CNTNAP2: variants seen among roughly 807,000 people sequenced by gnomAD.
The protein encoded by CNTNAP2 is contactin associated protein 2.
Under a neutral mutation model 155.2 loss-of-function variants are expected in CNTNAP2, and 98 were observed. The ratio of observed to expected loss-of-function variants is 0.63; its 90% CI spans 0.54 to 0.75. CNTNAP2 has a LOEUF of 0.75. Ranked by LOEUF, CNTNAP2 falls within the 30% of genes least tolerant of loss-of-function variation. The pLI, the probability that CNTNAP2 is intolerant of heterozygous loss-of-function variation, is 0.00. For missense variants in CNTNAP2, 1,727 were observed against 1,688.1 expected (o/e 1.02, Z -0.40); for synonymous variants, 651 against 631.2 (o/e 1.03, Z -0.47).
intron 1 of CNTNAP2, among the ~76,000 whole-genome samples, chr7:146,385,568 A>T (rs1486286835): frequency 6.6e-6 from 1 of 152,198 alleles, no homozygotes; most frequent in Non-Finnish European, 1.5e-5. Context: ...CCAGCCAAGT[A>T]ATCTCTCTTG....
intron 2 of CNTNAP2, among the ~76,000 whole-genome samples, chr7:146,827,768 G>A (rs1012530533): frequency 7.2e-5 from 11 of 151,948 alleles, no homozygotes; most frequent in East Asian, 1.9e-4. Flanking sequence ...TGAAGGCTTC[G>A]ATCTTGATTT....
intron 1 of CNTNAP2, among the ~76,000 whole-genome samples, chr7:146,712,117 T>A (rs374155630): frequency 5.2e-5 from 6 of 116,202 alleles, no homozygotes; most frequent in Admixed American, 8.3e-5. Context: ...TATGTATACA[T>A]ATATGTATAC....
intron 3 of CNTNAP2, among the ~76,000 whole-genome samples, chr7:146,959,200 A>C (rs948521422): frequency 4.0e-5 from 6 of 151,832 alleles, no homozygotes; most frequent in African/African-American, 1.5e-4. Context: ...TTGTATTTTT[A>C]GTACAGACAG....
At chr7:147,706,606 A>G (rs1441227464) in intron 13 of CNTNAP2, among the ~76,000 whole-genome samples, 1 of 152,118 alleles carries the variant, frequency 6.6e-6, no homozygotes, top group Non-Finnish European at 1.5e-5. Context: ...TGTGCTGTGG[A>G]GAAGGCCTTT....
chr7:146,405,796 C>A (rs1283543207), intron 1 of CNTNAP2, among the ~76,000 whole-genome samples: 1 of 152,142 alleles, frequency 6.6e-6, no homozygotes, highest in Non-Finnish European at 1.5e-5. Flanking sequence ...ATATACAAAT[C>A]ATATTTACAC....
intron 11 of CNTNAP2, among the ~76,000 whole-genome samples, chr7:147,490,124 A>C (rs1798580349): frequency 6.6e-6 from 1 of 152,224 alleles, no homozygotes; most frequent in Admixed American, 6.5e-5. Flanking sequence ...ATTTTTGCAG[A>C]TCTTTTTATT....
At chr7:146,859,612 G>T (rs745932427) in intron 3 of CNTNAP2, among the ~76,000 whole-genome samples, 1 of 151,692 alleles carries the variant, frequency 6.6e-6, no homozygotes, top group Non-Finnish European at 1.5e-5. Flanking sequence ...GGCCAAGATC[G>T]CACACCGTTG....
intron 13 of CNTNAP2, among the ~76,000 whole-genome samples, chr7:147,865,512 C>T (rs1278082623): frequency 2.0e-5 from 3 of 152,140 alleles, no homozygotes; most frequent in Admixed American, 6.5e-5. Flanking sequence ...ATACCAGCTC[C>T]TCTTTGTACC....
In CNTNAP2 at chr7:147,266,053, C is replaced by G. The variant is rs185793872; in HGVS notation, c.1349-34088C>G. Among the ~76,000 whole-genome samples the G allele has an allele frequency of 2.0e-3, 300 of 152,242 alleles. 1 individual carries two copies. Among genetic ancestry groups the G allele is most frequent in the African/African-American group, 6.9e-3 (285 of 41,528 alleles). On this transcript the variant is annotated intron_variant, in intron 8 of 23. Transcript: ENST00000361727. Reference sequence around the variant, plus strand: ...TGAGAAAGAATCAACCAAAAAAATGCTGAACACTCAAAAGGCCAGAGTGCC... The same window carrying G: ...TGAGAAAGAATCAACCAAAAAAATGGTGAACACTCAAAAGGCCAGAGTGCC...
intron 9 of CNTNAP2, among the ~76,000 whole-genome samples, chr7:147,322,382 A>T (rs749871030): frequency 1.3e-5 from 2 of 152,194 alleles, no homozygotes; most frequent in Non-Finnish European, 1.5e-5. Flanking sequence ...ATTATCTGTG[A>T]ATTTGATTAT....
intron 10 of CNTNAP2, among the ~76,000 whole-genome samples, chr7:147,413,795 A>G (rs1477347460): frequency 1.3e-5 from 2 of 152,182 alleles, no homozygotes; most frequent in African/African-American, 4.8e-5. Context: ...CAGCCTCTGC[A>G]TCTGGGCCCC....
chr7:146,154,408 AC>A (rs143542984), intron 1 of CNTNAP2, among the ~76,000 whole-genome samples: 101 of 152,254 alleles, frequency 6.6e-4, no homozygotes, highest in African/African-American at 2.4e-3. Flanking sequence ...CATCATATGC[AC>A]CAGAACAAAT....
intron 8 of CNTNAP2, among the ~76,000 whole-genome samples, chr7:147,188,960 C>T (rs1426010289): frequency 6.6e-6 from 1 of 152,122 alleles, no homozygotes; most frequent in African/African-American, 2.4e-5. Context: ...TTAAAGGAAT[C>T]CAAATAACTC....
chr7:147,381,309 A>C (rs1796531726), intron 9 of CNTNAP2, among the ~76,000 whole-genome samples: 1 of 152,174 alleles, frequency 6.6e-6, no homozygotes, highest in Non-Finnish European at 1.5e-5. Context: ...GCTATTCTGC[A>C]GCCCAAGCTT....
chr7:146,168,450 C>CAGAG (rs1278542449), intron 1 of CNTNAP2, among the ~76,000 whole-genome samples: 9 of 152,224 alleles, frequency 5.9e-5, no homozygotes, highest in African/African-American at 1.9e-4. Context: ...AATGTAAGGA[C>CAGAG]AGAGACTCCC....
chr7:146,754,280 C>T (rs918345508), intron 1 of CNTNAP2, among the ~76,000 whole-genome samples: 2 of 151,916 alleles, frequency 1.3e-5, no homozygotes, highest in Non-Finnish European at 2.9e-5. Context: ...AACTCTGAGA[C>T]AAATTGATAG....
chr7:147,445,945 T>C (rs1206953381), intron 10 of CNTNAP2, among the ~76,000 whole-genome samples: 2 of 152,078 alleles, frequency 1.3e-5, no homozygotes, highest in East Asian at 3.9e-4. Flanking sequence ...GATTCTACTA[T>C]GGAGAAAATT....
chr7:148,333,291 G>A (rs1006734552), intron 21 of CNTNAP2, among the ~76,000 whole-genome samples: 1 of 152,088 alleles, frequency 6.6e-6, no homozygotes, highest in Non-Finnish European at 1.5e-5. Context: ...AGCCAGGCAT[G>A]GTGGCACACG....
intron 13 of CNTNAP2, among the ~76,000 whole-genome samples, chr7:147,764,819 G>T (rs1233611669): frequency 6.6e-6 from 1 of 152,096 alleles, no homozygotes; most frequent in Admixed American, 6.5e-5. Flanking sequence ...TCATATCTCT[G>T]CTTGGTGCTA....
Sources: gnomAD v4.1 joint callset for allele counts (sites outside exome capture counted in the v4.1 genomes callset) on GRCh38, gnomAD v4.1.1 for gene constraint, MANE v1.5 for transcripts, NCBI Gene and HGNC (gene_info 2026-07-23, HGNC 2026-07-21) for gene names.